OR2V2: variants seen among roughly 807,000 people sequenced by gnomAD.
OR2V2 encodes olfactory receptor family 2 subfamily V member 2, also known as olfactory receptor 2V2.
For synonymous variants in OR2V2, 161 were observed against 151.3 expected (o/e 1.06, Z -0.47); for missense variants, 392 against 392.2 (o/e 1.00, Z 0.00).
intron 1 of OR2V2, among the ~76,000 whole-genome samples, chr5:181,148,298 G>A (rs1436701571): frequency 6.6e-6 from 1 of 152,030 alleles, no homozygotes; most frequent in Non-Finnish European, 1.5e-5. Context: ...AGGTCCCTGG[G>A]GTGGAGAGTG....
intron 1 of OR2V2, among the ~76,000 whole-genome samples, chr5:181,152,280 C>T (rs532443822): frequency 1.8e-4 from 27 of 152,336 alleles, no homozygotes; most frequent in Admixed American, 5.9e-4. Context: ...TTTGAATGTC[C>T]GTTCTGGAAA....
chr5:181,154,996 C>T lies in OR2V2; in HGVS notation c.54C>T (p.Ile18=), dbSNP rs1035171112. ...SYTDGFFLLG[I]FSHSTADLVL... ...CAGATGGCTTCTTCCTCTTAGGCATCTTCTCCCACAGTACTGCTGACCTTG... is the reference window on the plus strand; with the variant it reads ...CAGATGGCTTCTTCCTCTTAGGCATTTTCTCCCACAGTACTGCTGACCTTG... The change falls in exon 2 of 2, where the codon ATC becomes ATT. Residue 18 remains isoleucine (I), a synonymous_variant. Transcript: ENST00000641492. 1 of 1,614,194 alleles carries T rather than the reference C, an allele frequency of 6.2e-7. No individual in the cohort carries two copies. Among genetic ancestry groups the T allele is most frequent in the South Asian group, 1.1e-5 (1 of 91,082 alleles).
At position 181,156,522 on chromosome 5, in the gene OR2V2, T is replaced by A. The variant is rs1214302093; in HGVS notation, c.*632T>A. 7 of 152,274 alleles carry A rather than the reference T, an allele frequency of 4.6e-5. No homozygotes were observed. Among genetic ancestry groups the A allele is most frequent in the Admixed American group, 2.0e-4 (3 of 15,286 alleles). 9.4% of individuals were successfully genotyped at this position (152,274 alleles called of 1,614,324 possible). On this transcript the variant is annotated 3_prime_UTR_variant, in exon 2 of 2. Transcript: ENST00000641492. ...TATAGGACATTGTAAATCAGCACTG[T>A]GCAGAAATAAGACATTGGGATTGCT... is the stretch of plus-strand genomic sequence containing the variant.
At chr5:181,153,203 A>C (rs1206217708) in intron 1 of OR2V2, among the ~76,000 whole-genome samples, 3 of 152,246 alleles carry the variant, frequency 2.0e-5, no homozygotes, top group African/African-American at 7.2e-5. Context: ...ACAGACTCAG[A>C]GTCGGAATAC....
At chr5:181,153,590 A>T (rs1318515200) in intron 1 of OR2V2, among the ~76,000 whole-genome samples, 2 of 152,128 alleles carry the variant, frequency 1.3e-5, no homozygotes, top group African/African-American at 4.8e-5. Flanking sequence ...AGGTGACAGG[A>T]TGGCTTGATC....
chr5:181,156,073 T>C lies in OR2V2; in HGVS notation c.*183T>C, dbSNP rs1561631530. 8.7e-6 allele frequency: 3 copies of C among 344,374 alleles called. No homozygotes were observed. The highest frequency in any genetic ancestry group is 1.4e-5 in the Non-Finnish European group (3 of 221,158). 21.3% of individuals were successfully genotyped at this position (344,374 alleles called of 1,614,324 possible). On this transcript the variant is annotated 3_prime_UTR_variant, in exon 2 of 2. Coordinates refer to ENST00000641492, the MANE Select transcript of OR2V2 (RefSeq NM_206880.2). ...TTCTTTCTTTCTTTCTTTCTTTCTT[T>C]TGTTCTTTCTTTCGTTCTTTCTTTC...
intron 1 of OR2V2, among the ~76,000 whole-genome samples, 196 bp downstream of exon 1, chr5:181,148,191 G>C (rs186812156): frequency 6.6e-6 from 1 of 152,104 alleles, no homozygotes; most frequent in South Asian, 2.1e-4. Flanking sequence ...CACTCTTCTC[G>C]TCTTGTTCCT....
In OR2V2 at chr5:181,155,972, G is replaced by A; in HGVS notation, c.*82G>A. On this transcript the variant is annotated 3_prime_UTR_variant, in exon 2 of 2. Coordinates refer to ENST00000641492, the MANE Select transcript of OR2V2 (RefSeq NM_206880.2). Reference sequence around the variant, plus strand: ...AATAATTCTCTCATTTTCAGTCTTGGTTTCCTCGTGAATTATGATGATTGT... The same window carrying A: ...AATAATTCTCTCATTTTCAGTCTTGATTTCCTCGTGAATTATGATGATTGT... 7.6e-7 allele frequency: 1 copy of A among 1,319,874 alleles called. No individual in the cohort carries two copies. The highest frequency in any genetic ancestry group is 1.0e-6 in the Non-Finnish European group (1 of 965,024). 81.8% of individuals were successfully genotyped at this position (1,319,874 alleles called of 1,614,324 possible). A position where few individuals can be genotyped will look rare whatever the true frequency, so the allele number is the denominator to read the frequency against.
rs549641657 is a variant in OR2V2, at chr5:181,158,242, G to A, written c.*2352G>A. The A allele has an allele frequency of 6.6e-6, 1 of 152,100 alleles. No individual in the cohort carries two copies. The highest frequency in any genetic ancestry group is 1.5e-5 in the Non-Finnish European group (1 of 68,022). The allele number at this position is 152,100 out of a possible 1,614,324, so 9.4% of individuals were successfully genotyped here. Reference sequence around the variant, plus strand: ...AATCAATGCTCCTTATGAAACAAGAGTTGCATAACTAGTCTCAGTGTGAGC... The same window carrying A: ...AATCAATGCTCCTTATGAAACAAGAATTGCATAACTAGTCTCAGTGTGAGC... On this transcript the variant is annotated 3_prime_UTR_variant, in exon 2 of 2. Coordinates refer to ENST00000641492, the MANE Select transcript of OR2V2 (RefSeq NM_206880.2).
chr5:181,152,766 C>A (rs906893055), intron 1 of OR2V2, among the ~76,000 whole-genome samples: 1 of 152,230 alleles, frequency 6.6e-6, no homozygotes, highest in Non-Finnish European at 1.5e-5. Context: ...CTTGCCCTGG[C>A]AGGAGGCAAT....
At chr5:181,151,996 A>G (rs972480332) in intron 1 of OR2V2, among the ~76,000 whole-genome samples, 1 of 151,722 alleles carries the variant, frequency 6.6e-6, no homozygotes, top group African/African-American at 2.4e-5. Flanking sequence ...AAAAAAAAAA[A>G]AAAAATCAAA....
At position 181,155,003 on chromosome 5, in the gene OR2V2, C is replaced by G. The variant is rs557311570; in HGVS notation, c.61C>G (p.His21Asp). 2 of 1,614,184 alleles carry G rather than the reference C, an allele frequency of 1.2e-6. No homozygotes were observed. Among genetic ancestry groups the G allele is most frequent in the Non-Finnish European group, 1.7e-6 (2 of 1,180,036 alleles). ...DGFFLLGIFSHSTADLVLFSV... is the reference protein window; with the variant it reads ...DGFFLLGIFSDSTADLVLFSV... ...CTTCTTCCTCTTAGGCATCTTCTCC[C>G]ACAGTACTGCTGACCTTGTCCTCTT... The change falls in exon 2 of 2, where the codon CAC becomes GAC. Residue 21 changes from histidine (H) to aspartate (D), a missense_variant. Transcript: ENST00000641492.
At chr5:181,151,154 G>T (rs1181995189) in intron 1 of OR2V2, among the ~76,000 whole-genome samples, 1 of 152,080 alleles carries the variant, frequency 6.6e-6, no homozygotes, top group Non-Finnish European at 1.5e-5. Flanking sequence ...AAGATGCTCC[G>T]TGCAGAGGGA....
At position 181,154,013 on chromosome 5, in the gene OR2V2, G is replaced by T. The variant is rs116355553; in HGVS notation, c.-24-906G>T. ...GTCATTGCTTCACCTCATTGGCCCT[G>T]TGACTTCCTGTCACTCGCGGTATGA... On this transcript the variant is annotated intron_variant, in intron 1 of 1. Coordinates refer to ENST00000641492, the MANE Select transcript of OR2V2 (RefSeq NM_206880.2). 6.5e-3 allele frequency among the ~76,000 whole-genome samples: 986 copies of T among 152,310 alleles called. 4 individuals are homozygous for T. The highest frequency in any genetic ancestry group is 0.011 in the Non-Finnish European group (727 of 68,022).
chr5:181,154,512 C>A (rs994474585), intron 1 of OR2V2, among the ~76,000 whole-genome samples: 1 of 151,882 alleles, frequency 6.6e-6, no homozygotes, highest in African/African-American at 2.4e-5. Context: ...ATGGCGTGAA[C>A]CCTGGAGGGG....
chr5:181,154,948 G>A lies in OR2V2; in HGVS notation c.6G>A (p.Glu2=), dbSNP rs771683293. 3 of 1,611,818 alleles carry A rather than the reference G, an allele frequency of 1.9e-6. No individual in the cohort carries two copies. The highest frequency in any genetic ancestry group is 1.3e-5 in the African/African-American group (1 of 74,978). The change falls in exon 2 of 2, where the codon GAG becomes GAA. Residue 2 remains glutamate (E), a synonymous_variant. Coordinates refer to ENST00000641492, the MANE Select transcript of OR2V2 (RefSeq NM_206880.2). ...CCAGGAGCAACAACCGAGCCATGGAGACGTGGGTGAACCAGTCCTACACAG... is the reference window on the plus strand; with the variant it reads ...CCAGGAGCAACAACCGAGCCATGGAAACGTGGGTGAACCAGTCCTACACAG... M[E]TWVNQSYTDG...
chr5:181,150,070 A>G (rs938073366), intron 1 of OR2V2, among the ~76,000 whole-genome samples: 1 of 152,212 alleles, frequency 6.6e-6, no homozygotes, highest in Non-Finnish European at 1.5e-5. Context: ...CCTATGACCA[A>G]GATGGTGTTT....
chr5:181,158,127 C>A lies in OR2V2; in HGVS notation c.*2237C>A, dbSNP rs142794649. ...ATTCCATTGAAAATTATCTACTGAA[C>A]GCCACTAGCACCCAGAAATGTGGTA... On this transcript the variant is annotated 3_prime_UTR_variant, in exon 2 of 2. Coordinates refer to ENST00000641492, the MANE Select transcript of OR2V2 (RefSeq NM_206880.2). 2.0e-5 allele frequency: 3 copies of A among 152,108 alleles called. No homozygotes were observed. Among genetic ancestry groups the A allele is most frequent in the African/African-American group, 4.8e-5 (2 of 41,394 alleles). The allele number at this position is 152,108 out of a possible 1,614,324, so 9.4% of individuals were successfully genotyped here. A position where few individuals can be genotyped will look rare whatever the true frequency, so the allele number is the denominator to read the frequency against.
Position 181,156,067 on chromosome 5 carries a change from TTTCTTTTG to T in OR2V2, c.*184_*191del, listed in dbSNP as rs1763263009. 2.1e-6 allele frequency: 1 copy of T among 472,110 alleles called. No individual in the cohort carries two copies. The highest frequency in any genetic ancestry group is 3.4e-6 in the Non-Finnish European group (1 of 292,252). 29.2% of individuals were successfully genotyped at this position (472,110 alleles called of 1,614,324 possible). ...CTTTCTTTCTTTCTTTCTTTCTTTCTTTCTTTTGTTCTTTCTTTCGTTCTTTCTTTCTC... is the reference window on the plus strand; with the variant it reads ...CTTTCTTTCTTTCTTTCTTTCTTTCTTTCTTTCTTTCGTTCTTTCTTTCTC... On this transcript the variant is annotated 3_prime_UTR_variant, in exon 2 of 2. Coordinates refer to ENST00000641492, the MANE Select transcript of OR2V2 (RefSeq NM_206880.2).
Sources: gnomAD v4.1 joint callset for allele counts (sites outside exome capture counted in the v4.1 genomes callset) on GRCh38, gnomAD v4.1.1 for gene constraint, MANE v1.5 for transcripts, NCBI Gene and HGNC (gene_info 2026-07-23, HGNC 2026-07-21) for gene names.